Variants in NDST3 observed in about 807,000 individuals in gnomAD.
NDST3 encodes N-deacetylase and N-sulfotransferase 3.
NDST3 carries 58 observed loss-of-function variants against 96.1 expected under a neutral mutation model. The ratio of observed to expected loss-of-function variants is 0.60; its 90% CI spans 0.49 to 0.75. The LOEUF is 0.75. Among genes scored for constraint, NDST3 ranks in the 30% least tolerant of loss-of-function variants. NDST3 has a pLI of 0.00. For missense variants in NDST3, 788 were observed against 1,034.2 expected (o/e 0.76, Z 3.27); for synonymous variants, 333 against 359.7 (o/e 0.93, Z 0.84).
At position 118,120,719 on chromosome 4, in the gene NDST3, C is replaced by T. The variant is rs181365852; in HGVS notation, c.1224+5759C>T. On this transcript the variant is annotated intron_variant, in intron 4 of 13. Coordinates refer to ENST00000296499, the MANE Select transcript of NDST3 (RefSeq NM_004784.3). ...AATAAAGAGGCATGATGCTTTCTCC[C>T]GGTTATGTATCTTGAAGCAATTCCA... Among the ~76,000 whole-genome samples the T allele has an allele frequency of 7.2e-5, 11 of 152,224 alleles. No individual in the cohort carries two copies. The East Asian group carries it at 1.9e-3, about 27-fold the overall frequency.
chr4:118,075,896 T>C (rs1727488171), intron 2 of NDST3, among the ~76,000 whole-genome samples: 1 of 152,202 alleles, frequency 6.6e-6, no homozygotes. Flanking sequence ...AGAAGCTCTT[T>C]AGTTTAATTA....
chr4:118,233,066 C>A lies in NDST3; in HGVS notation c.1874C>A (p.Ser625Tyr), dbSNP rs761123331. Residue 625 changes from serine to tyrosine, a missense_variant, in exon 9 of 14, where the codon TCC (serine) becomes TAC (tyrosine). Physicochemically the swap from Ser to Tyr is moderately radical, Grantham distance 144. Around this residue, in one of 3 missense-constraint regions of NDST3, gnomAD observed 490 missense variants for 708.8 expected, o/e 0.69. Coordinates refer to ENST00000296499, the MANE Select transcript of NDST3 (RefSeq NM_004784.3). ...ATGCATCCTTCCATCCTTAGTAACT[C>A]CCCCAGCCCAAAAACCTTTGAGGAG... ...LVMHPSILSN[S>Y]PSPKTFEEVQ... 3.1e-6 allele frequency: 5 copies of A among 1,612,592 alleles called. No individual in the cohort carries two copies. The highest frequency in any genetic ancestry group is 1.7e-5 in the Admixed American group (1 of 60,012).
intron 6 of NDST3, among the ~76,000 whole-genome samples, chr4:118,220,865 A>G (rs1739493750): frequency 6.6e-6 from 1 of 152,104 alleles, no homozygotes. Flanking sequence ...GTGTTTAAAA[A>G]GGACTACTAC....
At chr4:118,251,997 T>C (rs1741776505) in intron 12 of NDST3, among the ~76,000 whole-genome samples, 1 of 152,158 alleles carries the variant, frequency 6.6e-6, no homozygotes, top group African/African-American at 2.4e-5. Context: ...ATTGCACATA[T>C]TTTTTGTAAA....
chr4:118,195,085 G>C (rs1737579130), intron 6 of NDST3, among the ~76,000 whole-genome samples: 1 of 152,182 alleles, frequency 6.6e-6, no homozygotes. Flanking sequence ...TATGTAGATT[G>C]CTTTGGGTGA....
chr4:118,143,810 T>A, intron 6 of NDST3, 126 bp downstream of exon 6: 1 of 986,356 alleles, frequency 1.0e-6, no homozygotes, highest in Non-Finnish European at 1.4e-6. Context: ...TCTGAAACAG[T>A]AGTAAAAACT....
At chr4:118,199,061 G>A (rs931015181) in intron 6 of NDST3, among the ~76,000 whole-genome samples, 23 of 152,136 alleles carry the variant, frequency 1.5e-4, no homozygotes, top group African/African-American at 5.5e-4. Context: ...TTGGTGTTCT[G>A]TAACCTTCTT....
At chr4:118,201,457 G>T (rs921781707) in intron 6 of NDST3, among the ~76,000 whole-genome samples, 19 of 152,146 alleles carry the variant, frequency 1.2e-4, no homozygotes, top group African/African-American at 3.9e-4. Flanking sequence ...GTTGTTTTTT[G>T]GATTTTTAGT....
intron 12 of NDST3, among the ~76,000 whole-genome samples, chr4:118,242,550 T>A (rs1741073542): frequency 6.6e-6 from 1 of 152,204 alleles, no homozygotes; most frequent in South Asian, 2.1e-4. Flanking sequence ...TTTGTGTAAT[T>A]TTCAGAAACA....
chr4:118,109,036 T>A (rs1041935700), intron 3 of NDST3, among the ~76,000 whole-genome samples: 4 of 152,222 alleles, frequency 2.6e-5, no homozygotes, highest in African/African-American at 9.6e-5. Context: ...GCAATAGATA[T>A]GTGAAGTGAG....
intron 8 of NDST3, among the ~76,000 whole-genome samples, chr4:118,231,635 C>A (rs2125999707): frequency 6.6e-6 from 1 of 152,112 alleles, no homozygotes; most frequent in South Asian, 2.1e-4. Flanking sequence ...GTTACTATTG[C>A]TAGCTATTGA....
At chr4:118,203,811 T>A (rs970703281) in intron 6 of NDST3, among the ~76,000 whole-genome samples, 3 of 152,212 alleles carry the variant, frequency 2.0e-5, no homozygotes, top group African/African-American at 7.2e-5. Context: ...CATTTTTATC[T>A]TGAATCTTAG....
chr4:118,193,873 C>T (rs180828674), intron 6 of NDST3: 4 of 1,097,376 alleles, frequency 3.6e-6, no homozygotes, highest in African/African-American at 1.6e-5. Flanking sequence ...AAAAACTAGA[C>T]TCATATTCTA....
intron 4 of NDST3, among the ~76,000 whole-genome samples, chr4:118,127,407 T>A (rs892625669): frequency 1.3e-5 from 2 of 152,130 alleles, no homozygotes; most frequent in Admixed American, 6.6e-5. Flanking sequence ...TTTTTCTGCA[T>A]ATGGAAATCT....
rs537985980 is a variant in NDST3, at chr4:118,119,996, T to C, written c.1224+5036T>C. On this transcript the variant is annotated intron_variant, in intron 4 of 13. Transcript: ENST00000296499. ...GATTTAGAAGAGACTAGAATCAGTA[T>C]ATTTATAAGGAAAAGTATGGAAGTC... 3.3e-5 allele frequency among the ~76,000 whole-genome samples: 5 copies of C among 152,268 alleles called. No individual in the cohort carries two copies. In the East Asian group the frequency reaches 5.8e-4, roughly 18 times the overall value.
chr4:118,148,785 C>T (rs1454210412), intron 6 of NDST3, among the ~76,000 whole-genome samples: 3 of 152,076 alleles, frequency 2.0e-5, no homozygotes, highest in Non-Finnish European at 4.4e-5. Flanking sequence ...TTTTATGTTT[C>T]TTTTTTTGTT....
intron 4 of NDST3, among the ~76,000 whole-genome samples, chr4:118,133,212 G>A (rs1255799517): frequency 1.3e-4 from 20 of 152,266 alleles, no homozygotes; most frequent in Admixed American, 1.2e-3. Context: ...GGCCCATGGT[G>A]GCAAGACTTG....
At chr4:118,168,022 C>T (rs937255204) in intron 6 of NDST3, among the ~76,000 whole-genome samples, 1 of 151,488 alleles carries the variant, frequency 6.6e-6, no homozygotes, top group East Asian at 1.9e-4. Context: ...GAATATGACA[C>T]CAAAAGCACA....
intron 1 of NDST3, among the ~76,000 whole-genome samples, chr4:118,035,906 T>A (rs1724124516): frequency 6.6e-6 from 1 of 152,098 alleles, no homozygotes. Context: ...AAAACTTTTA[T>A]CTCTTTCTGG....
Sources: allele counts gnomAD v4.1 joint callset (sites outside exome capture counted in the v4.1 genomes callset), GRCh38; gene constraint gnomAD v4.1.1; regional missense constraint gnomAD v4.1.1; transcripts MANE v1.5; gene names NCBI Gene and HGNC (gene_info 2026-07-23, HGNC 2026-07-21).